Variants in PITPNC1 observed in about 807,000 individuals in gnomAD.
The protein encoded by PITPNC1 is cytoplasmic phosphatidylinositol transfer protein 1.
PITPNC1 carries 18 observed loss-of-function variants against 44.7 expected under a neutral mutation model. The observed-to-expected ratio is 0.40, with a 90% CI of 0.28 to 0.60. The LOEUF (loss-of-function observed/expected upper bound fraction) is 0.60. PITPNC1 is among the 20% of genes least tolerant of loss of function. The probability of loss-of-function intolerance (pLI) is 0.39; values close to 1 mark genes in which losing one functional copy is unlikely to be tolerated. For synonymous variants in PITPNC1, 141 were observed against 149.6 expected (o/e 0.94, Z 0.42); for missense variants, 290 against 418.4 (o/e 0.69, Z 2.68).
intron 6 of PITPNC1, among the ~76,000 whole-genome samples, chr17:67,636,645 C>T (rs1431050129): frequency 2.0e-5 from 3 of 152,114 alleles, no homozygotes; most frequent in Non-Finnish European, 2.9e-5. Flanking sequence ...CCCCCAGGGG[C>T]GACTCCCTCG....
chr17:67,542,319 A>G (rs1204374449), intron 2 of PITPNC1, among the ~76,000 whole-genome samples: 4 of 152,320 alleles, frequency 2.6e-5, no homozygotes, highest in Admixed American at 6.5e-5. Flanking sequence ...TTGACAGAAT[A>G]TGAATTAATT....
chr17:67,436,140 G>T (rs899547914), intron 1 of PITPNC1, among the ~76,000 whole-genome samples: 1 of 150,276 alleles, frequency 6.7e-6, no homozygotes, highest in Admixed American at 6.6e-5. Context: ...CTACAGATGT[G>T]TGCCACCACA....
chr17:67,413,457 A>G lies in PITPNC1; in HGVS notation c.48+35255A>G, dbSNP rs562720855. Among the ~76,000 whole-genome samples the G allele has an allele frequency of 4.1e-5, 3 of 72,450 alleles. No homozygotes were observed. In the South Asian group the frequency reaches 1.3e-3, roughly 31 times the overall value. The allele number at this position is 72,450 out of a possible 152,430, so 47.5% of individuals were successfully genotyped here. On this transcript the variant is annotated intron_variant, in intron 1 of 8. Coordinates refer to ENST00000581322, the MANE Select transcript of PITPNC1 (RefSeq NM_012417.4). The stretch of plus-strand genomic sequence containing the variant: ...TTTGGAAAAGTTTAAGGCTATATAA[A>G]AAATAGAGAGAATGGGGCTTCTCGC...
chr17:67,413,143 G>A (rs1050554094), intron 1 of PITPNC1, among the ~76,000 whole-genome samples: 2 of 152,316 alleles, frequency 1.3e-5, no homozygotes, highest in South Asian at 4.1e-4. Context: ...AGAGAATTCA[G>A]TGTTTTCCAG....
chr17:67,457,638 T>A (rs2039274627), intron 1 of PITPNC1: 2 of 152,298 alleles, frequency 1.3e-5, no homozygotes, highest in Admixed American at 6.5e-5. Flanking sequence ...TCCGCCCGCC[T>A]GGGCCTCCTA....
chr17:67,476,264 C>A (rs2039625965), intron 1 of PITPNC1, among the ~76,000 whole-genome samples: 1 of 151,312 alleles, frequency 6.6e-6, no homozygotes. Context: ...TGGGTCACTG[C>A]AGCCTCTGTC....
chr17:67,545,164 T>C (rs1055788025), intron 2 of PITPNC1, among the ~76,000 whole-genome samples: 1 of 151,544 alleles, frequency 6.6e-6, no homozygotes, highest in Non-Finnish European at 1.5e-5. Flanking sequence ...CTTTAAGATA[T>C]AGGCAGGCGT....
chr17:67,388,292 G>A (rs1215488826), intron 1 of PITPNC1, among the ~76,000 whole-genome samples: 1 of 151,608 alleles, frequency 6.6e-6, no homozygotes, highest in African/African-American at 2.4e-5. Context: ...AATTCCCGGA[G>A]GAGTATGTAT....
chr17:67,395,653 A>AT (rs1462209554), intron 1 of PITPNC1, among the ~76,000 whole-genome samples: 1 of 152,222 alleles, frequency 6.6e-6, no homozygotes, highest in Non-Finnish European at 1.5e-5. Context: ...TGGCCCTTAC[A>AT]TCCCACATGA....
At chr17:67,664,536 A>G (rs927377374) in intron 6 of PITPNC1, among the ~76,000 whole-genome samples, 3 of 151,822 alleles carry the variant, frequency 2.0e-5, no homozygotes, top group Non-Finnish European at 2.9e-5. Flanking sequence ...TGTGGTTTTG[A>G]TTTGCATTTC....
At chr17:67,430,957 A>AAAACCAAACCACACAACAACTTG (rs2038847454) in intron 1 of PITPNC1, among the ~76,000 whole-genome samples, 1 of 152,128 alleles carries the variant, frequency 6.6e-6, no homozygotes, top group South Asian at 2.1e-4. Flanking sequence ...TCTTAAAAAC[A>AAAACCAAACCACACAACAACTTG]AAACCAAACC....
intron 5 of PITPNC1, among the ~76,000 whole-genome samples, chr17:67,594,176 A>T (rs1474074177): frequency 1.3e-5 from 2 of 152,230 alleles, no homozygotes; most frequent in African/African-American, 4.8e-5. Flanking sequence ...CCAAGTGATA[A>T]CGGGACTTCG....
intron 1 of PITPNC1, among the ~76,000 whole-genome samples, chr17:67,500,830 C>A (rs185100269): frequency 9.5e-4 from 143 of 151,068 alleles, no homozygotes; most frequent in African/African-American, 3.3e-3. Context: ...ACCGCAGGCG[C>A]GCACACCACC....
chr17:67,599,032 ATATTTTTTTTT>A (rs1393853446), intron 5 of PITPNC1, among the ~76,000 whole-genome samples: 5 of 29,302 alleles, frequency 1.7e-4, no homozygotes, highest in African/African-American at 4.8e-4. Flanking sequence ...ATATATATAT[ATATTTTTTTTT>A]TTTTTTTTTT....
intron 1 of PITPNC1, among the ~76,000 whole-genome samples, chr17:67,476,043 A>G (rs563092896): frequency 6.6e-6 from 1 of 152,352 alleles, no homozygotes; most frequent in Admixed American, 6.5e-5. Flanking sequence ...CTATGATAAT[A>G]TGATGCAAAA....
At chr17:67,400,634 G>A (rs1215408107) in intron 1 of PITPNC1, among the ~76,000 whole-genome samples, 2 of 152,020 alleles carry the variant, frequency 1.3e-5, no homozygotes, top group African/African-American at 2.4e-5. Context: ...TTATTTAGCA[G>A]TGGATGTCCT....
At position 67,696,800 on chromosome 17, in the gene PITPNC1, A is replaced by G. The variant is rs1181929363; in HGVS notation, c.*3912A>G. 6.6e-6 allele frequency: 1 copy of G among 152,238 alleles called. No individual in the cohort carries two copies. The highest frequency in any genetic ancestry group is 1.9e-4 in the East Asian group (1 of 5,206). The allele number at this position is 152,238 out of a possible 1,614,324, so 9.4% of individuals were successfully genotyped here. A position where few individuals can be genotyped will look rare whatever the true frequency, so the allele number is the denominator to read the frequency against. On this transcript the variant is annotated 3_prime_UTR_variant, in exon 9 of 9. Transcript: ENST00000581322. ...AATAAGAGAATGTGAATATGTTGGG[A>G]AATTTTCAGATGCCATTAATAATTG...
intron 1 of PITPNC1, among the ~76,000 whole-genome samples, chr17:67,424,274 T>C (rs1427606488): frequency 6.6e-6 from 1 of 152,042 alleles, no homozygotes; most frequent in African/African-American, 2.4e-5. Flanking sequence ...AGAGGAAGAA[T>C]GGCATAAGAG....
At chr17:67,583,221 C>T (rs1255243974) in intron 5 of PITPNC1, among the ~76,000 whole-genome samples, 2 of 152,182 alleles carry the variant, frequency 1.3e-5, no homozygotes, top group Admixed American at 6.5e-5. Context: ...TATGTTCCCT[C>T]AGGAGACATT....
Sources: allele counts gnomAD v4.1 joint callset (sites outside exome capture counted in the v4.1 genomes callset), GRCh38; gene constraint gnomAD v4.1.1; transcripts MANE v1.5; gene names NCBI Gene and HGNC (gene_info 2026-07-23, HGNC 2026-07-21).